The following COL26A1 variants were observed in gnomAD, a reference collection of about 807,000 sequenced individuals.
COL26A1 encodes the protein collagen type XXVI alpha 1 chain.
A neutral mutation model predicts 59.3 loss-of-function variants in COL26A1; 41 were observed. That is an observed-to-expected ratio of 0.69 (90% CI 0.54 to 0.90). The LOEUF (loss-of-function observed/expected upper bound fraction) is 0.90, where lower values mean the gene tolerates loss of function less well. Ranked by LOEUF, COL26A1 falls within the 40% of genes least tolerant of loss-of-function variation. The pLI, the probability that COL26A1 is intolerant of heterozygous loss-of-function variation, is 0.00. For missense variants in COL26A1, 612 were observed against 602.3 expected, an observed-to-expected ratio of 1.02 and a Z score of -0.17; for synonymous variants, 266 against 256.0, an observed-to-expected ratio of 1.04 and a Z score of -0.37.
At chr7:101,551,230 T>TGGGGGGGGGGGGGGGTGGGG in intron 10 of COL26A1, 87 bp downstream of exon 10, 1 of 113,778 alleles carries the variant, frequency 8.8e-6, no homozygotes, top group Non-Finnish European at 1.6e-5. Context: ...CGGGGGTTGG[T>TGGGGGGGGGGGGGGGTGGGG]GGGGGGGTTC....
At chr7:101,519,365 C>A (rs764810302) in intron 3 of COL26A1, among the ~76,000 whole-genome samples, 1 of 152,202 alleles carries the variant, frequency 6.6e-6, no homozygotes, top group Non-Finnish European at 1.5e-5. Context: ...GGCTGGAGTG[C>A]AGTAGTGTCA....
At chr7:101,490,292 G>A (rs576686753) in intron 3 of COL26A1, among the ~76,000 whole-genome samples, 5 of 151,986 alleles carry the variant, frequency 3.3e-5, no homozygotes, top group African/African-American at 4.8e-5. Flanking sequence ...GCCCAAGTTG[G>A]CCTCAAACTC....
chr7:101,384,954 G>A (rs560853099), intron 1 of COL26A1, among the ~76,000 whole-genome samples: 9 of 152,194 alleles, frequency 5.9e-5, no homozygotes, highest in Non-Finnish European at 7.4e-5. Flanking sequence ...AAAGCCTGGC[G>A]TCTGATATTT....
At chr7:101,553,438 G>T in intron 11 of COL26A1, 62 bp downstream of exon 11, 2 of 1,536,690 alleles carry the variant, frequency 1.3e-6, no homozygotes, top group Non-Finnish European at 1.8e-6. Flanking sequence ...TGTCACGGGA[G>T]GGCAGGTGCC....
intron 3 of COL26A1, among the ~76,000 whole-genome samples, chr7:101,510,809 T>G (rs1794905055): frequency 6.6e-6 from 1 of 150,774 alleles, no homozygotes; most frequent in Non-Finnish European, 1.5e-5. Flanking sequence ...CGTGAGCCAC[T>G]GTGTCTGGCT....
chr7:101,558,626 G>C lies in COL26A1; in HGVS notation c.*1096G>C, dbSNP rs1006618586. On this transcript the variant is annotated 3_prime_UTR_variant, in exon 13 of 13. Transcript: ENST00000313669. ...CCTTCCAGAGTTGGGGGCCTGGCAG[G>C]CTCCATGGCAGGCACCAGGTCCCTA... 3 of 152,226 alleles carry C rather than the reference G, an allele frequency of 2.0e-5. No individual in the cohort carries two copies. The highest frequency in any genetic ancestry group is 1.5e-5 in the Non-Finnish European group (1 of 68,060). 9.4% of individuals were successfully genotyped at this position (152,226 alleles called of 1,614,324 possible). A position where few individuals can be genotyped will look rare whatever the true frequency, so the allele number is the denominator to read the frequency against.
chr7:101,471,571 G>GTTTTTTTTTTTTT (rs71517177), intron 3 of COL26A1, among the ~76,000 whole-genome samples: 2 of 92,968 alleles, frequency 2.2e-5, no homozygotes, highest in African/African-American at 3.9e-5. Context: ...GTTGTTGTTT[G>GTTTTTTTTTTTTT]TTTTTTTTTT....
At chr7:101,436,154 G>A (rs2130339597) in intron 2 of COL26A1, among the ~76,000 whole-genome samples, 1 of 152,220 alleles carries the variant, frequency 6.6e-6, no homozygotes. Context: ...GGGCCAGAGG[G>A]TGAGGTGAGG....
intron 3 of COL26A1, among the ~76,000 whole-genome samples, chr7:101,458,667 G>C (rs1793536271): frequency 6.6e-6 from 1 of 151,442 alleles, no homozygotes; most frequent in South Asian, 2.1e-4. Context: ...AAAAAGAAAT[G>C]GTACTCTATA....
At chr7:101,386,256 TG>T (rs1791571524) in intron 1 of COL26A1, among the ~76,000 whole-genome samples, 1 of 140,676 alleles carries the variant, frequency 7.1e-6, no homozygotes. Context: ...TGTCCTAGCT[TG>T]TTTTTTTTTT....
intron 3 of COL26A1, among the ~76,000 whole-genome samples, chr7:101,456,439 T>C (rs6956314): frequency 0.44 from 66,759 of 151,144 alleles, 15,488 homozygotes; most frequent in Middle Eastern, 0.54. Context: ...CTTTGGGAGG[T>C]GGATCACCTG....
chr7:101,473,507 G>T (rs981095245), intron 3 of COL26A1, among the ~76,000 whole-genome samples: 1 of 151,784 alleles, frequency 6.6e-6, no homozygotes, highest in Non-Finnish European at 1.5e-5. Flanking sequence ...TTGGACAAGG[G>T]CTCATACAGG....
At chr7:101,378,092 T>C (rs1350681040) in intron 1 of COL26A1, among the ~76,000 whole-genome samples, 3 of 151,984 alleles carry the variant, frequency 2.0e-5, no homozygotes, top group African/African-American at 4.8e-5. Context: ...TAAAAATTTT[T>C]TGGGGGGCTG....
At chr7:101,456,175 T>A (rs866211607) in intron 3 of COL26A1, among the ~76,000 whole-genome samples, 12 of 144,468 alleles carry the variant, frequency 8.3e-5, no homozygotes, top group Non-Finnish European at 1.1e-4. Flanking sequence ...TATATTTTTT[T>A]TTTAATGGAG....
intron 3 of COL26A1, among the ~76,000 whole-genome samples, chr7:101,451,125 T>C (rs981550606): frequency 7.0e-6 from 1 of 142,336 alleles, no homozygotes; most frequent in Admixed American, 7.3e-5. Flanking sequence ...TGTTGAAATA[T>C]ATAATATATA....
At chr7:101,539,685 G>A (rs1795565864) in intron 4 of COL26A1, among the ~76,000 whole-genome samples, 1 of 152,184 alleles carries the variant, frequency 6.6e-6, no homozygotes. Flanking sequence ...GGTCCAGAAA[G>A]ACTTTCCTGA....
intron 1 of COL26A1, among the ~76,000 whole-genome samples, chr7:101,387,668 CAT>C (rs202015842): frequency 5.9e-4 from 73 of 123,990 alleles, no homozygotes; most frequent in Non-Finnish European, 1.1e-3. Flanking sequence ...TAAATACATA[CAT>C]ATATATATAA....
chr7:101,545,089 C>T (rs1378816729), intron 6 of COL26A1, among the ~76,000 whole-genome samples: 3 of 152,104 alleles, frequency 2.0e-5, no homozygotes, highest in Non-Finnish European at 2.9e-5. Context: ...CTGATTTCAC[C>T]GTCCCTGCCC....
intron 1 of COL26A1, among the ~76,000 whole-genome samples, chr7:101,377,999 G>A (rs917175563): frequency 1.3e-5 from 2 of 152,098 alleles, no homozygotes; most frequent in African/African-American, 2.4e-5. Flanking sequence ...TCCACCTCTC[G>A]GACTCAGGTG....
Sources: gnomAD v4.1 joint callset for allele counts (sites outside exome capture counted in the v4.1 genomes callset) on GRCh38, gnomAD v4.1.1 for gene constraint, MANE v1.5 for transcripts, NCBI Gene and HGNC (gene_info 2026-07-23, HGNC 2026-07-21) for gene names.